MAST4: variants seen among roughly 807,000 people sequenced by gnomAD.
MAST4 encodes microtubule-associated serine/threonine-protein kinase 4.
MAST4 carries 89 observed loss-of-function variants against 162.7 expected under a neutral mutation model. The observed-to-expected ratio is 0.55, with a 90% confidence interval of 0.46 to 0.65. The LOEUF is 0.65. MAST4 is among the 30% of genes least tolerant of loss of function. The pLI, the probability that MAST4 is intolerant of heterozygous loss-of-function variation, is 0.00. For synonymous variants in MAST4, 1,479 were observed against 1,361.1 expected (o/e 1.09, Z -1.91); for missense variants, 3,153 against 3,374.0 (o/e 0.93, Z 1.62).
chr5:66,622,699 GA>G (rs1256758237), intron 1 of MAST4, among the ~76,000 whole-genome samples: 6 of 152,150 alleles, frequency 3.9e-5, no homozygotes, highest in African/African-American at 1.4e-4. Flanking sequence ...CTCACAGAGT[GA>G]AAATGGAAGA....
At chr5:67,019,717 A>C (rs1753739742) in intron 4 of MAST4, among the ~76,000 whole-genome samples, 1 of 152,170 alleles carries the variant, frequency 6.6e-6, no homozygotes, top group Non-Finnish European at 1.5e-5. Context: ...CTTTTTTTTA[A>C]ACTCTAAAGA....
At position 66,596,854 on chromosome 5, in the gene MAST4, C is replaced by T. The variant is rs1742210529; in HGVS notation, c.199C>T (p.Pro67Ser). 5.4e-6 allele frequency: 7 copies of T among 1,296,738 alleles called. No individual in the cohort carries two copies. Among genetic ancestry groups the T allele is most frequent in the Non-Finnish European group, 6.8e-6 (7 of 1,023,282 alleles). 80.3% of individuals were successfully genotyped at this position (1,296,738 alleles called of 1,614,324 possible). The change falls in exon 1 of 29, where the codon CCG (proline) becomes TCG (serine). Residue 67 changes from proline (P) to serine (S), a missense_variant. Pro to Ser is a moderately conservative substitution (Grantham distance 74). Around this residue, in one of 7 missense-constraint regions of MAST4, gnomAD observed 327 missense variants for 336.5 expected, o/e 0.97. Coordinates refer to ENST00000403625, the MANE Select transcript of MAST4 (RefSeq NM_001164664.2). ...FSREHQPPPP[P>S]PLGGTLGARA... Reference sequence around the variant, plus strand: ...CAGAGAGCATCAGCCGCCGCCGCCGCCGCCGTTGGGAGGCACCCTGGGCGC... The same window carrying T: ...CAGAGAGCATCAGCCGCCGCCGCCGTCGCCGTTGGGAGGCACCCTGGGCGC...
At chr5:66,905,082 G>T (rs1763260759) in intron 4 of MAST4, among the ~76,000 whole-genome samples, 1 of 152,102 alleles carries the variant, frequency 6.6e-6, no homozygotes, top group Admixed American at 6.5e-5. Context: ...AAGGCAGGTG[G>T]ATCATCTGAG....
chr5:66,670,443 G>A (rs749055803), intron 1 of MAST4, among the ~76,000 whole-genome samples: 21 of 151,858 alleles, frequency 1.4e-4, no homozygotes, highest in Admixed American at 4.6e-4. Flanking sequence ...ATTCCTTCCC[G>A]AGTTTATTAT....
intron 8 of MAST4, 84 bp downstream of exon 8, chr5:67,100,676 C>A (rs1581559989): frequency 1.3e-6 from 2 of 1,509,554 alleles, no homozygotes; most frequent in South Asian, 1.2e-5. Flanking sequence ...TCCTTTAGGT[C>A]ATATGTGTGT....
At chr5:66,767,170 C>CTGTGTGTGT (rs1554050620) in intron 2 of MAST4, among the ~76,000 whole-genome samples, 2 of 139,482 alleles carry the variant, frequency 1.4e-5, no homozygotes, top group African/African-American at 5.4e-5. Flanking sequence ...GTAAAGTGCA[C>CTGTGTGTGT]GTGTGTGTGT....
intron 1 of MAST4, among the ~76,000 whole-genome samples, chr5:66,753,604 G>A (rs1294520765): frequency 6.6e-6 from 1 of 151,734 alleles, no homozygotes; most frequent in Non-Finnish European, 1.5e-5. Context: ...AAACCAGGAA[G>A]AAGTTGAATC....
chr5:67,008,479 T>G (rs944782938), intron 4 of MAST4, among the ~76,000 whole-genome samples: 20 of 152,256 alleles, frequency 1.3e-4, no homozygotes, highest in African/African-American at 4.6e-4. Context: ...GGGCTACAAT[T>G]GATTTCTAAA....
At chr5:66,833,846 T>C (rs544266521) in intron 3 of MAST4, among the ~76,000 whole-genome samples, 14 of 152,182 alleles carry the variant, frequency 9.2e-5, no homozygotes, top group Non-Finnish European at 2.1e-4. Flanking sequence ...TATAAAACCA[T>C]TGAGGATTAC....
At chr5:66,717,294 G>C (rs1469353401) in intron 1 of MAST4, among the ~76,000 whole-genome samples, 1 of 152,148 alleles carries the variant, frequency 6.6e-6, no homozygotes, top group African/African-American at 2.4e-5. Context: ...TGAATTAGGG[G>C]TTAAGGAGGC....
intron 1 of MAST4, among the ~76,000 whole-genome samples, chr5:66,671,930 T>G (rs1485258783): frequency 6.6e-6 from 1 of 152,242 alleles, no homozygotes; most frequent in Non-Finnish European, 1.5e-5. Context: ...GTTTAATTTT[T>G]AAAAGCATCT....
intron 19 of MAST4, among the ~76,000 whole-genome samples, chr5:67,140,901 A>G (rs1236957012): frequency 6.6e-6 from 1 of 152,218 alleles, no homozygotes; most frequent in Non-Finnish European, 1.5e-5. Flanking sequence ...GTGTTTTATA[A>G]AGAAGAATCC....
chr5:67,166,211 C>T lies in MAST4; in HGVS notation c.7032C>T (p.Thr2344=). 4 of 1,552,860 alleles carry T rather than the reference C, an allele frequency of 2.6e-6. No homozygotes were observed. Among genetic ancestry groups the T allele is most frequent in the Non-Finnish European group, 2.6e-6 (3 of 1,147,500 alleles). ...PKPSTVKDCP[T]LCKQTDNRQT... ...CATCCACTGTGAAAGATTGCCCCAC[C>T]CTGTGCAAACAGACAGACAACAGAC... Residue 2344 remains threonine, a synonymous_variant, in exon 29 of 29, where the codon ACC becomes ACT. Transcript: ENST00000403625.
chr5:66,808,400 T>A (rs1253923549), intron 3 of MAST4, among the ~76,000 whole-genome samples: 1 of 152,210 alleles, frequency 6.6e-6, no homozygotes, highest in African/African-American at 2.4e-5. Flanking sequence ...TTAACATTCA[T>A]GTCAAATAGC....
intron 3 of MAST4, among the ~76,000 whole-genome samples, chr5:66,846,050 GTT>G (rs1487608269): frequency 6.6e-6 from 1 of 152,150 alleles, no homozygotes; most frequent in African/African-American, 2.4e-5. Flanking sequence ...GCTGTCCTCA[GTT>G]TTTAGAGAAG....
rs1745857043 is a variant in MAST4 at position 66,646,610 on chromosome 5, TA to T, written c.363+49593del. Among the ~76,000 whole-genome samples, 3 of 152,208 alleles carry T rather than the reference TA, an allele frequency of 2.0e-5. No individual in the cohort carries two copies. In the South Asian group the frequency reaches 6.2e-4, roughly 31 times the overall value. ...CATTTATTACCAATATTCATAGAGA[TA>T]TTTTTTAATTCTGTTTTAACACCAT... On this transcript the variant is annotated intron_variant, in intron 1 of 28. Coordinates refer to ENST00000403625, the MANE Select transcript of MAST4 (RefSeq NM_001164664.2).
intron 27 of MAST4, among the ~76,000 whole-genome samples, chr5:67,161,167 G>A (rs983253186): frequency 6.6e-6 from 1 of 152,168 alleles, no homozygotes; most frequent in African/African-American, 2.4e-5. Flanking sequence ...TTCTGGCAGG[G>A]CTGTTTCTTG....
At chr5:66,775,717 C>G (rs1477750531) in intron 2 of MAST4, among the ~76,000 whole-genome samples, 1 of 152,176 alleles carries the variant, frequency 6.6e-6, no homozygotes, top group Non-Finnish European at 1.5e-5. Context: ...TGGGCATTAA[C>G]TTTCCTCATA....
At chr5:66,613,548 A>G (rs1302218452) in intron 1 of MAST4, among the ~76,000 whole-genome samples, 1 of 152,078 alleles carries the variant, frequency 6.6e-6, no homozygotes, top group Non-Finnish European at 1.5e-5. Context: ...CATGGCCCCC[A>G]TCACAGTAGA....
Sources: gnomAD v4.1 joint callset for allele counts (sites outside exome capture counted in the v4.1 genomes callset) on GRCh38, gnomAD v4.1.1 for gene constraint, gnomAD v4.1.1 regional missense constraint, MANE v1.5 for transcripts, NCBI Gene and HGNC (gene_info 2026-07-23, HGNC 2026-07-21) for gene names.